Variants in ATL2 observed in about 807,000 individuals in gnomAD.
ATL2 encodes the protein atlastin GTPase 2, also known as atlastin-2.
A neutral mutation model predicts 73.9 loss-of-function variants in ATL2; 31 were observed. That is an observed-to-expected ratio of 0.42 (90% CI 0.32 to 0.57). The LOEUF is 0.57. Ranked by LOEUF, ATL2 falls within the 20% of genes least tolerant of loss-of-function variation. The probability of loss-of-function intolerance (pLI) is 0.14; values close to 1 mark genes in which losing one functional copy is unlikely to be tolerated. For missense variants in ATL2, 738 were observed against 702.6 expected (o/e 1.05, Z -0.57); for synonymous variants, 291 against 237.5 (o/e 1.23, Z -2.07).
intron 2 of ATL2, among the ~76,000 whole-genome samples, chr2:38,320,101 C>G (rs936735586): frequency 1.3e-5 from 2 of 152,032 alleles, no homozygotes; most frequent in Non-Finnish European, 2.9e-5. Context: ...AGCGAAACTG[C>G]GTCTCAAAAA....
rs141421263 is a variant in ATL2 at position 38,326,534 on chromosome 2, G to C, written c.364-7515C>G. On this transcript the variant is annotated intron_variant, in intron 2 of 12. Transcript: ENST00000378954. Reference sequence around the variant, plus strand: ...AGGAAATTGATCCAGGAAGAGGACAGAACACCAAGCAGGATAAATACCAAA... The same window carrying C: ...AGGAAATTGATCCAGGAAGAGGACACAACACCAAGCAGGATAAATACCAAA... Among the ~76,000 whole-genome samples, 305 of 152,244 alleles carry C rather than the reference G, an allele frequency of 2.0e-3. 2 individuals are homozygous for C. Among genetic ancestry groups the C allele is most frequent in the African/African-American group, 6.9e-3 (287 of 41,550 alleles).
intron 9 of ATL2, among the ~76,000 whole-genome samples, chr2:38,305,928 T>G (rs1172499303): frequency 1.3e-5 from 2 of 151,190 alleles, no homozygotes; most frequent in Non-Finnish European, 3.0e-5. Flanking sequence ...GAAATTGAAA[T>G]AAAAACAATA....
At chr2:38,296,767 T>C (rs1048191826) in intron 12 of ATL2, 1 of 1,548,200 alleles carries the variant, frequency 6.5e-7, no homozygotes. Flanking sequence ...CACAGATCTC[T>C]GACTAGCTGA....
chr2:38,326,947 C>A (rs1026961298), intron 2 of ATL2, among the ~76,000 whole-genome samples: 1 of 151,836 alleles, frequency 6.6e-6, no homozygotes, highest in Non-Finnish European at 1.5e-5. Context: ...AAGATCGCAC[C>A]ACTGCACTCC....
chr2:38,353,605 G>T (rs1430380141), intron 1 of ATL2, among the ~76,000 whole-genome samples: 2 of 152,114 alleles, frequency 1.3e-5, no homozygotes, highest in East Asian at 1.9e-4. Flanking sequence ...CAAACCTCCA[G>T]TACGGTAATA....
intron 1 of ATL2, among the ~76,000 whole-genome samples, chr2:38,371,636 G>A (rs1671695169): frequency 6.6e-6 from 1 of 152,148 alleles, no homozygotes. Context: ...GGTGGCTCAT[G>A]TCTGTAATCT....
chr2:38,311,693 T>G (rs1331104079), intron 7 of ATL2, among the ~76,000 whole-genome samples: 1 of 152,200 alleles, frequency 6.6e-6, no homozygotes, highest in Non-Finnish European at 1.5e-5. Context: ...GGGGGAAGGT[T>G]GCTGTATGGA....
At chr2:38,315,017 C>T (rs1442376535) in intron 5 of ATL2, among the ~76,000 whole-genome samples, 5 of 152,190 alleles carry the variant, frequency 3.3e-5, no homozygotes, top group Admixed American at 3.3e-4. Flanking sequence ...TTTGGGAGGC[C>T]GAGGCGGGCG....
At position 38,343,490 on chromosome 2, in the gene ATL2, G is replaced by C. The variant is rs773250506; in HGVS notation, c.141C>G (p.Asp47Glu). ...TSLGENYEDD[D>E]LVNSDEVMKK... is the part of the protein sequence containing the mutation. ...TCATAACCTCATCAGAATTTACTAG[G>C]TCATCATCTTCATAATTCTCACCTA... The change falls in exon 2 of 13, where the codon GAC becomes GAG. Residue 47 changes from aspartate to glutamate, a missense_variant. Physicochemically the swap from Asp to Glu is conservative, Grantham distance 45 (BLOSUM62 2). Coordinates refer to ENST00000378954, the MANE Select transcript of ATL2 (RefSeq NM_001135673.4). 6 of 1,604,664 alleles carry C rather than the reference G, an allele frequency of 3.7e-6. No individual in the cohort carries two copies. The East Asian group carries it at 1.3e-4, about 36-fold the overall frequency.
intron 1 of ATL2, among the ~76,000 whole-genome samples, chr2:38,347,306 C>T (rs1670080910): frequency 6.6e-6 from 1 of 152,158 alleles, no homozygotes; most frequent in African/African-American, 2.4e-5. Flanking sequence ...GACAATCTGG[C>T]CTTCTTGCTG....
At chr2:38,339,369 G>A (rs560352992) in intron 2 of ATL2, among the ~76,000 whole-genome samples, 5 of 152,186 alleles carry the variant, frequency 3.3e-5, no homozygotes, top group Admixed American at 2.6e-4. Flanking sequence ...TGCAGAAGCC[G>A]GAACGAAGTC....
At chr2:38,338,338 A>AAACT (rs34834289) in intron 2 of ATL2, among the ~76,000 whole-genome samples, 66,083 of 151,598 alleles carry the variant, frequency 0.44, 17,139 homozygotes, top group African/African-American at 0.74. Flanking sequence ...AAGGGTTGAA[A>AAACT]AACTATTGGT....
At chr2:38,316,759 G>A (rs989407379) in intron 4 of ATL2, among the ~76,000 whole-genome samples, 11 of 152,064 alleles carry the variant, frequency 7.2e-5, no homozygotes, top group Admixed American at 2.6e-4. Context: ...GCTTTAAGTG[G>A]CTGTCTAAAA....
At chr2:38,339,040 A>G (rs956225863) in intron 2 of ATL2, among the ~76,000 whole-genome samples, 6 of 152,132 alleles carry the variant, frequency 3.9e-5, no homozygotes, top group African/African-American at 1.4e-4. Flanking sequence ...ACATGGTGAA[A>G]CCCCATCTCT....
At chr2:38,309,885 TAA>T (rs1197065587) in intron 8 of ATL2, among the ~76,000 whole-genome samples, 1 of 152,160 alleles carries the variant, frequency 6.6e-6, no homozygotes, top group African/African-American at 2.4e-5. Flanking sequence ...AGCCATACTG[TAA>T]AAGTTTTGTC....
chr2:38,352,133 CAAAAAAAAAAAAAAA>C (rs778821586), intron 1 of ATL2, among the ~76,000 whole-genome samples: 8 of 31,964 alleles, frequency 2.5e-4, no homozygotes, highest in Non-Finnish European at 6.4e-4. Context: ...AAACAACAAC[CAAAAAAAAAAAAAAA>C]AAAAAAAAAA....
chr2:38,352,106 G>C (rs1051415499), intron 1 of ATL2, among the ~76,000 whole-genome samples: 4 of 78,880 alleles, frequency 5.1e-5, no homozygotes, highest in Admixed American at 3.8e-4. Context: ...GCAAAACTCT[G>C]TTTCAAAAAC....
intron 7 of ATL2, among the ~76,000 whole-genome samples, chr2:38,311,068 AAATT>A (rs1394163961): frequency 6.6e-6 from 1 of 152,184 alleles, no homozygotes; most frequent in Non-Finnish European, 1.5e-5. Context: ...ACCAGTAAAT[AAATT>A]AAGAATTTAC....
At chr2:38,296,624 T>A (rs1188895606) in intron 12 of ATL2, 1 of 1,609,252 alleles carries the variant, frequency 6.2e-7, no homozygotes, top group South Asian at 1.1e-5. Context: ...GGAGAATGAA[T>A]CAGAGTGCCT....
Sources: gnomAD v4.1 joint callset for allele counts (sites outside exome capture counted in the v4.1 genomes callset) on GRCh38, gnomAD v4.1.1 for gene constraint, MANE v1.5 for transcripts, NCBI Gene and HGNC (gene_info 2026-07-23, HGNC 2026-07-21) for gene names.